The following RBM26 variants were observed in gnomAD, a reference collection of about 807,000 sequenced individuals.
RBM26 encodes the protein RNA binding motif protein 26, also known as RNA-binding protein 26.
In RBM26, 30 loss-of-function variants were observed where a neutral mutation model predicts 123.6. The observed-to-expected ratio is 0.24, with a 90% CI of 0.18 to 0.33. The LOEUF is 0.33. RBM26 is among the 10% of genes least tolerant of loss of function. The pLI, the probability that RBM26 is intolerant of heterozygous loss-of-function variation, is 1.00. For missense variants in RBM26, 947 were observed against 1,203.6 expected (o/e 0.79, Z 3.15); for synonymous variants, 400 against 404.4 (o/e 0.99, Z 0.13).
At chr13:79,321,165 C>A (rs2067634391) in intron 21 of RBM26, among the ~76,000 whole-genome samples, 1 of 151,242 alleles carries the variant, frequency 6.6e-6, no homozygotes, top group Non-Finnish European at 1.5e-5. Context: ...TCTATTATTG[C>A]ATTCCTTTCT....
At position 79,370,049 on chromosome 13, in the gene RBM26, C is replaced by T. The variant is rs149180755; in HGVS notation, c.634+896G>A. On this transcript the variant is annotated intron_variant, in intron 5 of 21. Transcript: ENST00000438737. The stretch of plus-strand genomic sequence containing the variant: ...ACTAGTCTGGGCACAGTGGCTCAGG[C>T]CTATAATCCCAGCACTTTGGGAGGC... Among the ~76,000 whole-genome samples, 4 of 152,268 alleles carry T rather than the reference C, an allele frequency of 2.6e-5. 1 individual carries two copies. In the East Asian group the frequency reaches 7.7e-4, roughly 29 times the overall value.
At position 79,372,912 on chromosome 13, in the gene RBM26, C is replaced by A. The variant is rs1191912171; in HGVS notation, c.328-982G>T. ...TATATAAAATATATCTTATATATTA[C>A]ATATTTTATATAATATATAAGATAT... On this transcript the variant is annotated intron_variant, in intron 3 of 21. Transcript: ENST00000438737. Among the ~76,000 whole-genome samples the A allele has an allele frequency of 3.7e-4, 24 of 64,272 alleles. 2 individuals carry two copies. Among genetic ancestry groups the A allele is most frequent in the Admixed American group, 4.7e-4 (2 of 4,282 alleles). 42.2% of individuals were successfully genotyped at this position (64,272 alleles called of 152,430 possible).
intron 1 of RBM26, among the ~76,000 whole-genome samples, chr13:79,388,167 C>G (rs1346946031): frequency 6.6e-6 from 1 of 152,260 alleles, no homozygotes; most frequent in African/African-American, 2.4e-5. Flanking sequence ...GCGATCTCAG[C>G]TGACTGCAAC....
intron 20 of RBM26, among the ~76,000 whole-genome samples, chr13:79,332,874 T>C (rs957869220): frequency 1.3e-5 from 2 of 152,106 alleles, no homozygotes; most frequent in African/African-American, 4.8e-5. Context: ...TAAGAAGAGG[T>C]TTTAATTTTT....
At chr13:79,345,541 C>G (rs923210753) in intron 14 of RBM26, among the ~76,000 whole-genome samples, 1 of 152,062 alleles carries the variant, frequency 6.6e-6, no homozygotes, top group South Asian at 2.1e-4. Context: ...CCTTTCTCTT[C>G]TGCGCATCTT....
Position 79,371,238 on chromosome 13 carries a change from T to C in RBM26, c.417-76A>G, listed in dbSNP as rs1487034793. The C allele has an allele frequency of 1.3e-5, 15 of 1,190,494 alleles. No individual in the cohort carries two copies. The East Asian group carries it at 3.3e-4, about 26-fold the overall frequency. 73.7% of individuals were successfully genotyped at this position (1,190,494 alleles called of 1,614,324 possible). ...GAAAAAGCTAATTAAATGCAAAAGT[T>C]ACATTTAATTCTTGTAACTTAACTT... On this transcript the variant is annotated intron_variant, in intron 4 of 21. Transcript: ENST00000438737.
intron 13 of RBM26, 112 bp downstream of exon 13, chr13:79,354,327 G>C (rs763450743): frequency 5.8e-6 from 5 of 860,306 alleles, no homozygotes; most frequent in Non-Finnish European, 8.0e-6. Context: ...AATATGTAAA[G>C]ACTATCATAT....
chr13:79,382,391 G>C (rs2077132978), intron 1 of RBM26, among the ~76,000 whole-genome samples: 2 of 152,064 alleles, frequency 1.3e-5, no homozygotes, highest in Admixed American at 6.6e-5. Flanking sequence ...TCCTGAAAAT[G>C]TGTGAAAGAA....
rs1295655682 is a variant in RBM26 at position 79,319,101 on chromosome 13, C to T, written c.*1520G>A. On this transcript the variant is annotated 3_prime_UTR_variant, in exon 22 of 22. Coordinates refer to ENST00000438737, the MANE Select transcript of RBM26 (RefSeq NM_001366735.2). ...AAGCATTTCTATGAAATAGTGTTAC[C>T]ATCAAGAAAATACACACAACTTCAA... 1 of 983,960 alleles carries T rather than the reference C, an allele frequency of 1.0e-6. No individual in the cohort carries two copies. The highest frequency in any genetic ancestry group is 1.8e-5 in the African/African-American group (1 of 57,046). 61.0% of individuals were successfully genotyped at this position (983,960 alleles called of 1,614,324 possible).
At chr13:79,399,273 G>T (rs1467607884) in intron 1 of RBM26, among the ~76,000 whole-genome samples, 4 of 152,122 alleles carry the variant, frequency 2.6e-5, no homozygotes, top group African/African-American at 9.7e-5. Flanking sequence ...GTCTTCTTTT[G>T]GATCCTGTCT....
intron 14 of RBM26, among the ~76,000 whole-genome samples, chr13:79,349,613 G>C (rs774341955): frequency 8.6e-5 from 13 of 150,916 alleles, no homozygotes; most frequent in Non-Finnish European, 1.3e-4. Flanking sequence ...AAAAATGCAG[G>C]TAATAATCCT....
At chr13:79,354,698 A>T in intron 12 of RBM26, 128 bp from the exon 13 acceptor site, 4 of 733,092 alleles carry the variant, frequency 5.5e-6, no homozygotes, top group Non-Finnish European at 8.0e-6. Context: ...GTCAAAACCT[A>T]ACTGCCTTCT....
Position 79,344,650 on chromosome 13 carries a change from C to G in RBM26, c.2184+19G>C. ...TTCCTATATGCAAAAATTTTTTATA[C>G]TATACCAGTTGTACTTACCTGTTTT... On this transcript the variant is annotated intron_variant, in intron 15 of 21. Coordinates refer to ENST00000438737, the MANE Select transcript of RBM26 (RefSeq NM_001366735.2). 6.3e-7 allele frequency: 1 copy of G among 1,599,476 alleles called. No individual in the cohort carries two copies. Among genetic ancestry groups the G allele is most frequent in the Non-Finnish European group, 8.5e-7 (1 of 1,174,854 alleles).
At chr13:79,342,991 T>C (rs1392508065) in intron 16 of RBM26, among the ~76,000 whole-genome samples, 160 bp from the exon 17 acceptor site, 2 of 109,282 alleles carry the variant, frequency 1.8e-5, no homozygotes, top group African/African-American at 7.0e-5. Context: ...GATCGCAGAA[T>C]AGCAGATTTG....
intron 1 of RBM26, among the ~76,000 whole-genome samples, chr13:79,383,723 T>C (rs1297006605): frequency 6.6e-6 from 1 of 152,136 alleles, no homozygotes; most frequent in Non-Finnish European, 1.5e-5. Context: ...ATAGTATGTA[T>C]TGTCATGTAG....
At chr13:79,317,961 A>T (rs1449612867), downstream of RBM26, among the ~76,000 whole-genome samples, 3 of 151,698 alleles carry the variant, frequency 2.0e-5, no homozygotes, top group Non-Finnish European at 4.4e-5. Context: ...TGTGATAAGC[A>T]CTAAAGATAA....
At chr13:79,373,648 CTATTT>C (rs1356460070) in intron 3 of RBM26, among the ~76,000 whole-genome samples, 2 of 115,514 alleles carry the variant, frequency 1.7e-5, no homozygotes, top group Non-Finnish European at 3.3e-5. Context: ...TTTATATAGT[CTATTT>C]ATATATTTAT....
intron 14 of RBM26, among the ~76,000 whole-genome samples, chr13:79,350,731 AT>A (rs200234000): frequency 0.031 from 4,635 of 151,886 alleles, 190 homozygotes; most frequent in Admixed American, 0.052. Flanking sequence ...CCCTGCCTTC[AT>A]TTTTTTTAAA....
intron 14 of RBM26, among the ~76,000 whole-genome samples, chr13:79,349,440 AG>A (rs1295434120): frequency 6.6e-6 from 1 of 152,110 alleles, no homozygotes; most frequent in Non-Finnish European, 1.5e-5. Flanking sequence ...AGGGATTAAA[AG>A]AAACAAAGAT....
Sources: gnomAD v4.1 joint callset for allele counts (sites outside exome capture counted in the v4.1 genomes callset) on GRCh38, gnomAD v4.1.1 for gene constraint, MANE v1.5 for transcripts, NCBI Gene and HGNC (gene_info 2026-07-23, HGNC 2026-07-21) for gene names.